The following ARHGAP10 variants were observed in gnomAD, a reference collection of about 807,000 sequenced individuals.
ARHGAP10 encodes rho GTPase-activating protein 10.
ARHGAP10 carries 87 observed loss-of-function variants against 108.6 expected under a neutral mutation model. The ratio of observed to expected loss-of-function variants is 0.80; its 90% confidence interval spans 0.67 to 0.96. The LOEUF is 0.96. ARHGAP10 is among the 40% of genes least tolerant of loss of function. ARHGAP10 has a pLI of 0.00. For synonymous variants in ARHGAP10, 347 were observed against 341.1 expected (o/e 1.02, Z -0.19); for missense variants, 939 against 954.5 (o/e 0.98, Z 0.21).
chr4:147,766,799 CATATATAT>C lies in ARHGAP10; in HGVS notation c.154+34377_154+34384del, dbSNP rs57572532. On this transcript the variant is annotated intron_variant, in intron 1 of 22. Coordinates refer to ENST00000336498, the MANE Select transcript of ARHGAP10 (RefSeq NM_024605.4). ...TCATATATATTCATACATATATTCA[CATATATAT>C]ATATATATATATATATATATATATA... Among the ~76,000 whole-genome samples, 580 of 126,350 alleles carry C rather than the reference CATATATAT, an allele frequency of 4.6e-3. 7 individuals are homozygous for C. Among genetic ancestry groups the C allele is most frequent in the African/African-American group, 0.019 (516 of 27,262 alleles). The allele number at this position is 126,350 out of a possible 152,430, so 82.9% of individuals were successfully genotyped here.
intron 14 of ARHGAP10, among the ~76,000 whole-genome samples, chr4:147,945,399 G>C (rs186554130): frequency 6.6e-6 from 1 of 151,884 alleles, no homozygotes; most frequent in African/African-American, 2.4e-5. Flanking sequence ...CTTACCATTT[G>C]AAAGGATGTT....
rs1730636959 is a variant in ARHGAP10, at chr4:147,783,238, A to C, written c.155-39489A>C. Reference sequence around the variant, plus strand: ...AAATTATGTATTGTATAATTTATATAACACACATTAAATTATGTATTGTAT... The same window carrying C: ...AAATTATGTATTGTATAATTTATATCACACACATTAAATTATGTATTGTAT... On this transcript the variant is annotated intron_variant, in intron 1 of 22. Coordinates refer to ENST00000336498, the MANE Select transcript of ARHGAP10 (RefSeq NM_024605.4). Among the ~76,000 whole-genome samples, 7 of 144,782 alleles carry C rather than the reference A, an allele frequency of 4.8e-5. No individual in the cohort carries two copies. In the South Asian group the frequency reaches 1.6e-3, roughly 32 times the overall value. 95.0% of individuals were successfully genotyped at this position (144,782 alleles called of 152,430 possible). A position where few individuals can be genotyped will look rare whatever the true frequency, so the allele number is the denominator to read the frequency against.
chr4:147,800,011 A>G (rs900582515), intron 1 of ARHGAP10, among the ~76,000 whole-genome samples: 1 of 152,052 alleles, frequency 6.6e-6, no homozygotes, highest in East Asian at 1.9e-4. Context: ...CCTGCCCTAC[A>G]TTTGTGGGCT....
chr4:147,853,949 A>T (rs1191953612), intron 4 of ARHGAP10, among the ~76,000 whole-genome samples: 1 of 152,172 alleles, frequency 6.6e-6, no homozygotes, highest in Non-Finnish European at 1.5e-5. Context: ...CCAATGGTTG[A>T]ATCGTCTCTT....
intron 18 of ARHGAP10, among the ~76,000 whole-genome samples, chr4:147,985,532 C>A (rs1333782227): frequency 6.6e-6 from 1 of 152,144 alleles, no homozygotes; most frequent in East Asian, 1.9e-4. Flanking sequence ...GGGGAGAGCA[C>A]AATTCTAGTA....
At chr4:147,886,679 C>T (rs901741431) in intron 10 of ARHGAP10, among the ~76,000 whole-genome samples, 3 of 152,204 alleles carry the variant, frequency 2.0e-5, no homozygotes, top group African/African-American at 7.2e-5. Context: ...GAAGCAATTT[C>T]TACTGTATTC....
At chr4:147,794,688 C>T (rs150278390) in intron 1 of ARHGAP10, among the ~76,000 whole-genome samples, 62 of 152,280 alleles carry the variant, frequency 4.1e-4, no homozygotes, top group African/African-American at 1.4e-3. Flanking sequence ...TGGGATTGTT[C>T]ATTCCCATTG....
At position 147,896,607 on chromosome 4, in the gene ARHGAP10, C is replaced by T. The variant is rs986860522; in HGVS notation, c.1035-10031C>T. ...GGTTTATCAATTTTGTTAATATTTT[C>T]AGAGAATCCATATTAACCACTTTTT... On this transcript the variant is annotated intron_variant, in intron 10 of 22. Transcript: ENST00000336498. Among the ~76,000 whole-genome samples, 3 of 151,892 alleles carry T rather than the reference C, an allele frequency of 2.0e-5. 1 individual carries two copies. The highest frequency in any genetic ancestry group is 7.3e-5 in the African/African-American group (3 of 41,362).
chr4:147,739,105 T>C lies in ARHGAP10; in HGVS notation c.154+6650T>C, dbSNP rs570870180. On this transcript the variant is annotated intron_variant, in intron 1 of 22. Transcript: ENST00000336498. ...GGGAGGCCGAGGCAGGAGAGTTGCT[T>C]GAATCCAGGAGACGGAGGTTGCAGT... Among the ~76,000 whole-genome samples, 16 of 149,316 alleles carry C rather than the reference T, an allele frequency of 1.1e-4. No homozygotes were observed. In the Admixed American group the frequency reaches 1.1e-3, roughly 10 times the overall value.
intron 13 of ARHGAP10, among the ~76,000 whole-genome samples, chr4:147,914,730 T>C (rs1342713624): frequency 6.6e-6 from 1 of 152,254 alleles, no homozygotes; most frequent in African/African-American, 2.4e-5. Context: ...TTCCATTATA[T>C]GGATATAGAC....
intron 1 of ARHGAP10, among the ~76,000 whole-genome samples, chr4:147,801,466 A>G (rs972081858): frequency 3.9e-5 from 6 of 152,250 alleles, no homozygotes; most frequent in African/African-American, 7.2e-5. Flanking sequence ...CTCAGAATAC[A>G]GGAAAAGAAT....
chr4:147,888,749 A>G (rs911309544), intron 10 of ARHGAP10, among the ~76,000 whole-genome samples: 2 of 152,166 alleles, frequency 1.3e-5, no homozygotes, highest in Non-Finnish European at 2.9e-5. Flanking sequence ...GGGGTTCCTT[A>G]ATTTCCTGCC....
chr4:147,886,419 G>A (rs561823277), intron 10 of ARHGAP10, among the ~76,000 whole-genome samples: 7 of 152,208 alleles, frequency 4.6e-5, no homozygotes, highest in South Asian at 2.1e-4. Flanking sequence ...GCAGTCCTCC[G>A]CAATCCTGAT....
intron 1 of ARHGAP10, among the ~76,000 whole-genome samples, chr4:147,776,216 G>T (rs1423483641): frequency 6.6e-6 from 1 of 152,108 alleles, no homozygotes; most frequent in Admixed American, 6.5e-5. Flanking sequence ...TTTTGCGAAT[G>T]AATGATGGAA....
Position 147,822,974 on chromosome 4 carries a change from G to A in ARHGAP10, c.312+17G>A, listed in dbSNP as rs1339684486. ...GAAATTATGGTGAGTTGAGAGGGGT[G>A]TAAATTAATAAGTCAGCTTTCAAGG... On this transcript the variant is annotated intron_variant, in intron 3 of 22. Coordinates refer to ENST00000336498, the MANE Select transcript of ARHGAP10 (RefSeq NM_024605.4). 28 of 1,605,032 alleles carry A rather than the reference G, an allele frequency of 1.7e-5. No individual in the cohort carries two copies. Among genetic ancestry groups the A allele is most frequent in the South Asian group, 2.2e-5 (2 of 90,214 alleles).
intron 4 of ARHGAP10, among the ~76,000 whole-genome samples, chr4:147,850,944 C>A (rs895976139): frequency 1.3e-5 from 2 of 152,176 alleles, no homozygotes; most frequent in Non-Finnish European, 2.9e-5. Context: ...TGAACAAAAA[C>A]TCTGAGAAAT....
chr4:147,950,551 G>A (rs1259696448), intron 15 of ARHGAP10, among the ~76,000 whole-genome samples: 2 of 152,168 alleles, frequency 1.3e-5, no homozygotes, highest in Non-Finnish European at 2.9e-5. Context: ...TATCTTATTG[G>A]ATGGGATGTT....
At chr4:147,964,232 A>G (rs540112765) in intron 16 of ARHGAP10, among the ~76,000 whole-genome samples, 246 of 152,170 alleles carry the variant, frequency 1.6e-3, no homozygotes, top group Middle Eastern at 0.01. Flanking sequence ...TTGTCACTTC[A>G]GTTCCGAGTA....
chr4:147,987,274 A>G (rs75244672), intron 18 of ARHGAP10, among the ~76,000 whole-genome samples: 7,843 of 152,326 alleles, frequency 0.051, 238 homozygotes, highest in African/African-American at 0.086. Flanking sequence ...TGAAGCTTCT[A>G]TAATCATATA....
Sources: allele counts gnomAD v4.1 joint callset (sites outside exome capture counted in the v4.1 genomes callset), GRCh38; gene constraint gnomAD v4.1.1; transcripts MANE v1.5; gene names NCBI Gene and HGNC (gene_info 2026-07-23, HGNC 2026-07-21).